Variants in HVCN1 observed in about 807,000 individuals in gnomAD.
The protein encoded by HVCN1 is hydrogen voltage gated channel 1.
HVCN1 carries 14 observed loss-of-function variants against 29.2 expected under a neutral mutation model. The ratio of observed to expected loss-of-function variants is 0.48; its 90% confidence interval spans 0.32 to 0.75. The LOEUF (loss-of-function observed/expected upper bound fraction) is 0.75. HVCN1 is among the 30% of genes least tolerant of loss of function. The pLI is 0.04. For missense variants in HVCN1, 263 were observed against 341.8 expected, an observed-to-expected ratio of 0.77 and a Z score of 1.82; for synonymous variants, 131 against 133.2, an observed-to-expected ratio of 0.98 and a Z score of 0.11.
chr12:110,702,087 A>G (rs1353842959), intron 2 of HVCN1, among the ~76,000 whole-genome samples: 1 of 150,710 alleles, frequency 6.6e-6, no homozygotes, highest in East Asian at 2.0e-4. Context: ...TGGGGCTACA[A>G]GTGACTAAAA....
chr12:110,669,682 T>C (rs2068504607), intron 3 of HVCN1, among the ~76,000 whole-genome samples: 1 of 152,082 alleles, frequency 6.6e-6, no homozygotes, highest in Non-Finnish European at 1.5e-5. Flanking sequence ...TAACAACCAC[T>C]GAGACACTGT....
At chr12:110,671,450 A>T (rs1490739721) in intron 3 of HVCN1, among the ~76,000 whole-genome samples, 4 of 152,176 alleles carry the variant, frequency 2.6e-5, no homozygotes, top group Admixed American at 6.5e-5. Flanking sequence ...GGCCTGGGAC[A>T]CATCTCCCCA....
At chr12:110,680,090 A>AT (rs2068904571) in intron 3 of HVCN1, among the ~76,000 whole-genome samples, 1 of 152,160 alleles carries the variant, frequency 6.6e-6, no homozygotes, top group Non-Finnish European at 1.5e-5. Context: ...ACTTTTTTCC[A>AT]AAACACAATT....
chr12:110,665,776 G>A (rs2068325299), intron 3 of HVCN1, among the ~76,000 whole-genome samples: 1 of 152,068 alleles, frequency 6.6e-6, no homozygotes. Context: ...GGAGGTCGAG[G>A]TGGGCAGATC....
intron 4 of HVCN1, among the ~76,000 whole-genome samples, chr12:110,656,966 A>G (rs1431642274): frequency 1.3e-5 from 2 of 152,220 alleles, no homozygotes; most frequent in African/African-American, 2.4e-5. Flanking sequence ...ACAGAGCTAC[A>G]AGGAACAGAC....
rs561040014 is a variant in HVCN1 at position 110,649,549 on chromosome 12, A to C, written c.757-74T>G. 17 of 1,090,984 alleles carry C rather than the reference A, an allele frequency of 1.6e-5. No individual in the cohort carries two copies. In the Admixed American group the frequency reaches 3.1e-4, roughly 20 times the overall value. The allele number at this position is 1,090,984 out of a possible 1,614,324, so 67.6% of individuals were successfully genotyped here. ...GGATGTGACAATCAATCATTCAGTG[A>C]GCCCCAGGCACAGGACCACAGAGAT... On this transcript the variant is annotated intron_variant, in intron 7 of 7. Transcript: ENST00000242607.
intron 2 of HVCN1, among the ~76,000 whole-genome samples, chr12:110,701,945 C>T (rs186758922): frequency 1.6e-5 from 2 of 124,170 alleles, no homozygotes; most frequent in Non-Finnish European, 3.6e-5. Flanking sequence ...GGTAGCTTTT[C>T]TTTTTTCTTT....
chr12:110,649,570 G>T, intron 7 of HVCN1, 95 bp from the exon 8 acceptor site: 1 of 868,728 alleles, frequency 1.2e-6, no homozygotes, highest in Non-Finnish European at 1.9e-6. Context: ...CAGGACCACA[G>T]AGATGAATGA....
chr12:110,683,353 T>G, intron 2 of HVCN1, 89 bp from the exon 3 acceptor site: 1 of 1,462,844 alleles, frequency 6.8e-7, no homozygotes, highest in East Asian at 2.4e-5. Context: ...TACAAATTAG[T>G]TTTAAGTTAG....
At chr12:110,690,356 G>T (rs2136493231), upstream of HVCN1, among the ~76,000 whole-genome samples, 1 of 152,342 alleles carries the variant, frequency 6.6e-6, no homozygotes, top group East Asian at 1.9e-4. Flanking sequence ...GCAACATACA[G>T]GTTTGGAGGG....
intron 3 of HVCN1, among the ~76,000 whole-genome samples, chr12:110,675,515 A>C (rs1190123557): frequency 1.3e-5 from 2 of 152,226 alleles, no homozygotes; most frequent in Non-Finnish European, 2.9e-5. Flanking sequence ...TAAAGCCAGC[A>C]CAGGAACTCA....
At chr12:110,703,188 A>G (rs1340410294) in intron 1 of HVCN1, among the ~76,000 whole-genome samples, 5 of 146,222 alleles carry the variant, frequency 3.4e-5, no homozygotes, top group African/African-American at 1.3e-4. Flanking sequence ...TGGGCAACAT[A>G]GTAAGGTCAT....
rs77973914 is a variant in HVCN1, at chr12:110,670,378, G to A, written c.22-8930C>T. Among the ~76,000 whole-genome samples, 1,039 of 152,244 alleles carry A rather than the reference G, an allele frequency of 6.8e-3. 1 individual carries two copies. Among genetic ancestry groups the A allele is most frequent in the Non-Finnish European group, 9.4e-3 (636 of 68,020 alleles). On this transcript the variant is annotated intron_variant, in intron 3 of 7. Coordinates refer to ENST00000242607, the MANE Select transcript of HVCN1 (RefSeq NM_032369.4). ...TTGCATTTCCCTGTTCCCTCCCAGAGCTATTTTGGGGGACTTGATTTGCAT... is the reference window on the plus strand; with the variant it reads ...TTGCATTTCCCTGTTCCCTCCCAGAACTATTTTGGGGGACTTGATTTGCAT...
chr12:110,672,332 G>T (rs966576184), intron 3 of HVCN1, among the ~76,000 whole-genome samples: 1 of 152,060 alleles, frequency 6.6e-6, no homozygotes, highest in African/African-American at 2.4e-5. Flanking sequence ...AGACTCCCAC[G>T]TGCACACAGG....
Position 110,648,835 on chromosome 12 carries a change from T to C in HVCN1, c.*575A>G, listed in dbSNP as rs2067614117. The C allele has an allele frequency of 2.8e-6, 1 of 361,758 alleles. No individual in the cohort carries two copies. Among genetic ancestry groups the C allele is most frequent in the Admixed American group, 4.2e-5 (1 of 23,768 alleles). 22.4% of individuals were successfully genotyped at this position (361,758 alleles called of 1,614,324 possible). On this transcript the variant is annotated 3_prime_UTR_variant, in exon 8 of 8. Coordinates refer to ENST00000242607, the MANE Select transcript of HVCN1 (RefSeq NM_032369.4). ...GTAGTTGTTTTATTTTATACAGTAGTTGTACAGTAATTGAGGAAAAATGTT... is the reference window on the plus strand; with the variant it reads ...GTAGTTGTTTTATTTTATACAGTAGCTGTACAGTAATTGAGGAAAAATGTT...
chr12:110,664,602 G>A (rs572401583), intron 3 of HVCN1, among the ~76,000 whole-genome samples: 2 of 152,286 alleles, frequency 1.3e-5, no homozygotes, highest in Non-Finnish European at 2.9e-5. Flanking sequence ...ATCCCTTAGA[G>A]AAGAAAAATG....
chr12:110,695,323 A>T (rs562762267), intron 2 of HVCN1, among the ~76,000 whole-genome samples: 1 of 149,638 alleles, frequency 6.7e-6, no homozygotes, highest in East Asian at 1.9e-4. Flanking sequence ...TATAATTATA[A>T]TTGTATAATT....
At chr12:110,683,927 GA>G (rs543302185) in intron 2 of HVCN1, among the ~76,000 whole-genome samples, 37 of 111,944 alleles carry the variant, frequency 3.3e-4, no homozygotes, top group South Asian at 2.7e-3. Flanking sequence ...AAAAAAAAAG[GA>G]AAAAAAAAAA....
chr12:110,664,404 A>G (rs765775576), intron 3 of HVCN1, among the ~76,000 whole-genome samples: 1 of 152,242 alleles, frequency 6.6e-6, no homozygotes, highest in African/African-American at 2.4e-5. Context: ...ACACCACTTA[A>G]GTAAAAATGT....
Sources: allele counts gnomAD v4.1 joint callset (sites outside exome capture counted in the v4.1 genomes callset), GRCh38; gene constraint gnomAD v4.1.1; transcripts MANE v1.5; gene names NCBI Gene and HGNC (gene_info 2026-07-23, HGNC 2026-07-21).